The following SETD7 variants were observed in gnomAD, a reference collection of about 807,000 sequenced individuals.
The protein encoded by SETD7 is histone-lysine N-methyltransferase SETD7.
Under a neutral mutation model 41.8 loss-of-function variants are expected in SETD7, and 16 were observed. That is an observed-to-expected ratio of 0.38 (90% CI 0.26 to 0.58). SETD7 has a LOEUF of 0.58. Ranked by LOEUF, SETD7 falls within the 20% of genes least tolerant of loss-of-function variation. The pLI is 0.64. For missense variants in SETD7, 346 were observed against 459.7 expected (o/e 0.75, Z 2.26); for synonymous variants, 163 against 169.7 (o/e 0.96, Z 0.31).
intron 4 of SETD7, among the ~76,000 whole-genome samples, chr4:139,527,649 C>T (rs1302064693): frequency 1.3e-5 from 2 of 152,132 alleles, no homozygotes; most frequent in Non-Finnish European, 1.5e-5. Flanking sequence ...AGAAAAGTCG[C>T]AAAGAAAGCA....
chr4:139,548,747 A>G (rs1279988981), intron 1 of SETD7, among the ~76,000 whole-genome samples: 2 of 152,230 alleles, frequency 1.3e-5, no homozygotes, highest in African/African-American at 4.8e-5. Flanking sequence ...TCTGTATACA[A>G]TGGGTTACCT....
chr4:139,534,563 T>C (rs996391348), intron 2 of SETD7, among the ~76,000 whole-genome samples: 1 of 151,928 alleles, frequency 6.6e-6, no homozygotes, highest in Non-Finnish European at 1.5e-5. Flanking sequence ...TAATTTTTGT[T>C]TTTTTTTGTA....
chr4:139,507,622 T>A lies in SETD7; in HGVS notation c.*4041A>T, dbSNP rs556046712. The A allele has an allele frequency of 6.5e-6, 1 of 152,774 alleles. No individual in the cohort carries two copies. Among genetic ancestry groups the A allele is most frequent in the African/African-American group, 2.4e-5 (1 of 41,580 alleles). The allele number at this position is 152,774 out of a possible 1,614,324, so 9.5% of individuals were successfully genotyped here. On this transcript the variant is annotated 3_prime_UTR_variant, in exon 8 of 8. Coordinates refer to ENST00000274031, the MANE Select transcript of SETD7 (RefSeq NM_030648.4). ...AACACATTAAAATTTGTGAAAAGGG[T>A]TCCCACCCCTGTGGTTGTATGGCTT...
At chr4:139,529,303 C>T in intron 3 of SETD7, 83 bp from the exon 4 acceptor site, 1 of 1,021,742 alleles carries the variant, frequency 9.8e-7, no homozygotes, top group Non-Finnish European at 1.4e-6. Context: ...CTTCTGCAGT[C>T]CCATTATTAA....
downstream of SETD7, among the ~76,000 whole-genome samples, chr4:139,504,288 CT>C (rs926998030): frequency 6.6e-6 from 1 of 152,152 alleles, no homozygotes; most frequent in East Asian, 1.9e-4. Flanking sequence ...AAAACCCTGG[CT>C]TTTGGTTTTT....
chr4:139,511,930 C>T, intron 7 of SETD7, 87 bp from the exon 8 acceptor site: 1 of 1,508,394 alleles, frequency 6.6e-7, no homozygotes, highest in South Asian at 1.3e-5. Context: ...CAGGAATCAC[C>T]CCCAGGCACT....
rs1196947727 is a variant in SETD7, at chr4:139,529,127, A to G, written c.466T>C (p.Tyr156His). 4 of 1,614,062 alleles carry G rather than the reference A, an allele frequency of 2.5e-6. No homozygotes were observed. Among genetic ancestry groups the G allele is most frequent in the Admixed American group, 3.3e-5 (2 of 60,002 alleles). ...YVYPDERTAL[Y>H]GKFIDGEMIE... ...ATCTCTCCATCAATAAATTTCCCAT[A>G]AAGTGCGGTCCTCTCATCAGGGTAC... The change falls in exon 4 of 8, where the codon TAT becomes CAT. Residue 156 changes from tyrosine to histidine, a missense_variant. This residue lies in a region of SETD7 where 266 missense variants were observed against 377.0 expected (regional missense o/e 0.71). Coordinates refer to ENST00000274031, the MANE Select transcript of SETD7 (RefSeq NM_030648.4).
Position 139,533,298 on chromosome 4 carries a change from C to A in SETD7, c.239G>T (p.Gly80Val), listed in dbSNP as rs374505750. ...GTCTACATACGTGCCCTGGAGAACTCCCCCATCTTCGTAAGTGTAAACTCC... is the reference window on the plus strand; with the variant it reads ...GTCTACATACGTGCCCTGGAGAACTACCCCATCTTCGTAAGTGTAAACTCC... Reference protein sequence around the residue: ...GQGVYTYEDGGVLQGTYVDGE... With the variant: ...GQGVYTYEDGVVLQGTYVDGE... Residue 80 changes from glycine (G) to valine (V), a missense_variant, in exon 3 of 8, where the codon GGA becomes GTA. By Grantham distance (109) the Gly-to-Val change is moderately radical. This residue lies in a region of SETD7 where 266 missense variants were observed against 377.0 expected (regional missense o/e 0.71). Coordinates refer to ENST00000274031, the MANE Select transcript of SETD7 (RefSeq NM_030648.4). 6.2e-6 allele frequency: 10 copies of A among 1,614,016 alleles called. No individual in the cohort carries two copies. The highest frequency in any genetic ancestry group is 7.6e-6 in the Non-Finnish European group (9 of 1,180,010).
At chr4:139,526,835 T>C (rs1219381611) in intron 4 of SETD7, among the ~76,000 whole-genome samples, 1 of 152,224 alleles carries the variant, frequency 6.6e-6, no homozygotes, top group Admixed American at 6.5e-5. Flanking sequence ...GATCCTCCCT[T>C]GTTTCGAGCC....
At chr4:139,538,131 T>G (rs188736434) in intron 2 of SETD7, among the ~76,000 whole-genome samples, 4 of 152,244 alleles carry the variant, frequency 2.6e-5, no homozygotes, top group African/African-American at 9.6e-5. Flanking sequence ...AATCTATTTT[T>G]AAAGAACAAG....
chr4:139,518,164 G>A (rs973340464), intron 6 of SETD7, 122 bp from the exon 7 acceptor site: 1 of 1,092,512 alleles, frequency 9.2e-7, no homozygotes, highest in Non-Finnish European at 1.3e-6. Context: ...GTCTCACTCT[G>A]TCACCTAGGC....
chr4:139,550,348 T>C (rs1163402140), intron 1 of SETD7, among the ~76,000 whole-genome samples: 1 of 152,230 alleles, frequency 6.6e-6, no homozygotes, highest in Non-Finnish European at 1.5e-5. Flanking sequence ...GCTTTTAGAT[T>C]GCTGGTTGTG....
chr4:139,540,840 T>C (rs1042675287), intron 2 of SETD7, among the ~76,000 whole-genome samples: 1 of 152,192 alleles, frequency 6.6e-6, no homozygotes, highest in Non-Finnish European at 1.5e-5. Flanking sequence ...GAGGTTGGAA[T>C]GCATGACTTC....
At chr4:139,522,251 A>C (rs1406192221) in intron 5 of SETD7, among the ~76,000 whole-genome samples, 10 of 152,214 alleles carry the variant, frequency 6.6e-5, no homozygotes, top group African/African-American at 1.9e-4. Flanking sequence ...CAGAAACTGA[A>C]TGGGAGGTAA....
intron 3 of SETD7, among the ~76,000 whole-genome samples, chr4:139,529,900 C>T (rs1168335169): frequency 1.3e-5 from 2 of 152,158 alleles, no homozygotes; most frequent in Non-Finnish European, 2.9e-5. Context: ...CATCTCAATT[C>T]TTTCTTTCCA....
intron 2 of SETD7, among the ~76,000 whole-genome samples, chr4:139,537,803 T>A (rs1053207867): frequency 1.3e-5 from 2 of 152,240 alleles, no homozygotes; most frequent in Non-Finnish European, 2.9e-5. Context: ...CTTATATGAA[T>A]TCGATATGCA....
chr4:139,537,253 G>A (rs541081756), intron 2 of SETD7, among the ~76,000 whole-genome samples: 2 of 152,312 alleles, frequency 1.3e-5, no homozygotes, highest in South Asian at 2.1e-4. Flanking sequence ...GGGATTACAG[G>A]TGTGAGCCAC....
chr4:139,530,393 G>C (rs1447959562), intron 3 of SETD7, among the ~76,000 whole-genome samples: 2 of 140,752 alleles, frequency 1.4e-5, no homozygotes, highest in Non-Finnish European at 3.0e-5. Context: ...TAGGAAAAGG[G>C]ATGTAAATTT....
chr4:139,544,200 G>C lies in SETD7; in HGVS notation c.170+2720C>G, dbSNP rs147690162. 9.6e-3 allele frequency among the ~76,000 whole-genome samples: 1,460 copies of C among 151,960 alleles called. 12 individuals are homozygous for C. The highest frequency in any genetic ancestry group is 0.029 in the East Asian group (152 of 5,168). ...ACAGCTACTCAGGAAGCTGAGGTGGGAGGATCACCCGAGTCCAGGGAGGTT... is the reference window on the plus strand; with the variant it reads ...ACAGCTACTCAGGAAGCTGAGGTGGCAGGATCACCCGAGTCCAGGGAGGTT... On this transcript the variant is annotated intron_variant, in intron 2 of 7. Coordinates refer to ENST00000274031, the MANE Select transcript of SETD7 (RefSeq NM_030648.4).
Sources: gnomAD v4.1 joint callset for allele counts (sites outside exome capture counted in the v4.1 genomes callset) on GRCh38, gnomAD v4.1.1 for gene constraint, gnomAD v4.1.1 regional missense constraint, MANE v1.5 for transcripts, NCBI Gene and HGNC (gene_info 2026-07-23, HGNC 2026-07-21) for gene names.